The following XPO6 variants were observed in gnomAD, a reference collection of about 807,000 sequenced individuals.
The protein encoded by XPO6 is exportin-6.
In XPO6, 3 loss-of-function variants were observed where a neutral mutation model predicts 130.0. The ratio of observed to expected loss-of-function variants is 0.02; its 90% CI spans 0.01 to 0.06. The LOEUF (loss-of-function observed/expected upper bound fraction) is 0.06, where lower values mean the gene tolerates loss of function less well. Among genes scored for constraint, XPO6 ranks in the 10% least tolerant of loss-of-function variants. The pLI is 1.00. For missense variants in XPO6, 970 were observed against 1,393.0 expected (o/e 0.70, Z 4.83); for synonymous variants, 524 against 548.9 (o/e 0.95, Z 0.63).
chr16:28,185,138 T>C (rs540782489), intron 1 of XPO6, among the ~76,000 whole-genome samples: 18 of 152,210 alleles, frequency 1.2e-4, no homozygotes, highest in Non-Finnish European at 2.1e-4. Context: ...ACAAACACAA[T>C]GTAGAGTGAA....
intron 14 of XPO6, among the ~76,000 whole-genome samples, chr16:28,118,652 G>A (rs763854651): frequency 8.5e-5 from 13 of 152,126 alleles, no homozygotes; most frequent in East Asian, 7.7e-4. Flanking sequence ...GCACTGCACC[G>A]GCCTAGCCTG....
rs936535790 is a variant in XPO6, at chr16:28,111,748, C to T, written c.2341+69G>A. ...TACCTCAGGAGCCTCCGGGGCAAAT[C>T]TCATCTGCCACAAAGAACAATGCCT... On this transcript the variant is annotated intron_variant, in intron 17 of 23. Transcript: ENST00000304658. The T allele has an allele frequency of 1.9e-5, 29 of 1,555,380 alleles. No individual in the cohort carries two copies. In the African/African-American group the frequency reaches 4.0e-4, roughly 21 times the overall value.
At chr16:28,124,191 G>A (rs905265593) in intron 13 of XPO6, among the ~76,000 whole-genome samples, 8 of 151,806 alleles carry the variant, frequency 5.3e-5, no homozygotes, top group Non-Finnish European at 1.2e-4. Context: ...CTGAGTATCT[G>A]GGATTACAGG....
intron 8 of XPO6, among the ~76,000 whole-genome samples, chr16:28,149,981 C>T (rs2043057391): frequency 1.3e-5 from 2 of 152,116 alleles, no homozygotes; most frequent in Admixed American, 6.5e-5. Context: ...ATTTCTTATT[C>T]TTAAGTCTTA....
chr16:28,167,341 G>T, intron 5 of XPO6: 1 of 985,354 alleles, frequency 1.0e-6, no homozygotes, highest in Non-Finnish European at 1.2e-6. Context: ...CCTCATGCAG[G>T]AAACAGGCTG....
Position 28,166,502 on chromosome 16 carries a change from C to A in XPO6, c.643+6G>T. On this transcript the variant is annotated splice_donor_region_variant and intron_variant, in intron 6 of 23. Transcript: ENST00000304658. ...AAGAATGCCTTGGCTGGCAGGCAGA[C>A]CATACCACTTTCTCCTGAGGTCGGG... 1.3e-6 allele frequency: 2 copies of A among 1,580,944 alleles called. No individual in the cohort carries two copies. Among genetic ancestry groups the A allele is most frequent in the South Asian group, 2.3e-5 (2 of 86,610 alleles).
At chr16:28,116,296 CA>C (rs1567599433) in intron 15 of XPO6, among the ~76,000 whole-genome samples, 1 of 151,974 alleles carries the variant, frequency 6.6e-6, no homozygotes, top group African/African-American at 2.4e-5. Context: ...CCCGTCTCTA[CA>C]AAAAATACAA....
At chr16:28,119,069 G>A (rs931458254) in intron 14 of XPO6, among the ~76,000 whole-genome samples, 2 of 152,188 alleles carry the variant, frequency 1.3e-5, no homozygotes, top group Non-Finnish European at 2.9e-5. Flanking sequence ...AGGCAGGAGT[G>A]CAGTGGCACA....
intron 6 of XPO6, among the ~76,000 whole-genome samples, chr16:28,164,000 A>T (rs959710519): frequency 2.6e-5 from 4 of 152,186 alleles, no homozygotes; most frequent in Admixed American, 2.6e-4. Flanking sequence ...CTGAGAAATA[A>T]ACCACACACA....
intron 1 of XPO6, among the ~76,000 whole-genome samples, chr16:28,199,842 C>G (rs2043928266): frequency 6.6e-6 from 1 of 151,894 alleles, no homozygotes. Flanking sequence ...CTGCACCTGG[C>G]CTCCTCATGA....
chr16:28,135,377 T>G (rs1413745269), intron 9 of XPO6, 53 bp from the exon 10 acceptor site: 1 of 1,450,854 alleles, frequency 6.9e-7, no homozygotes, highest in Non-Finnish European at 9.7e-7. Flanking sequence ...GCTTAGAATT[T>G]GGAAAATGCC....
rs1668342207 is a variant in XPO6 at position 28,164,200 on chromosome 16, G to T, written c.643+2308C>A. On this transcript the variant is annotated intron_variant, in intron 6 of 23. Transcript: ENST00000304658. ...AGGGCAGGAGAGCCCCACAGGGGCT[G>T]AGCTAAGGAATTCATTTGGTTGCTT... 3.9e-5 allele frequency among the ~76,000 whole-genome samples: 6 copies of T among 152,028 alleles called. No homozygotes were observed. In the South Asian group the frequency reaches 1.2e-3, roughly 31 times the overall value.
intron 15 of XPO6, among the ~76,000 whole-genome samples, chr16:28,114,761 A>T (rs2087012140): frequency 6.6e-6 from 1 of 152,162 alleles, no homozygotes; most frequent in Non-Finnish European, 1.5e-5. Context: ...ATTTCTCTGG[A>T]GCATGCGGTG....
chr16:28,157,268 C>G (rs2043198605), intron 6 of XPO6, among the ~76,000 whole-genome samples: 1 of 152,062 alleles, frequency 6.6e-6, no homozygotes, highest in Non-Finnish European at 1.5e-5. Context: ...ACCAGCCTGA[C>G]CAACATGGTG....
intron 4 of XPO6, among the ~76,000 whole-genome samples, chr16:28,171,823 T>C (rs1361494422): frequency 6.6e-6 from 1 of 152,076 alleles, no homozygotes; most frequent in Non-Finnish European, 1.5e-5. Flanking sequence ...ATAGAACTGA[T>C]CCTTGGTAAG....
chr16:28,201,160 C>T lies in XPO6; in HGVS notation c.3+10206G>A, dbSNP rs117216845. Among the ~76,000 whole-genome samples, 255 of 152,258 alleles carry T rather than the reference C, an allele frequency of 1.7e-3. 4 individuals carry two copies. The East Asian group carries it at 0.032, about 19-fold the overall frequency. On this transcript the variant is annotated intron_variant, in intron 1 of 23. Coordinates refer to ENST00000304658, the MANE Select transcript of XPO6 (RefSeq NM_015171.4). Reference sequence around the variant, plus strand: ...TTGTTCTGACAACTTCCCTTGCTCACCTGCTGCCCATCTCCACCCACCGGG... The same window carrying T: ...TTGTTCTGACAACTTCCCTTGCTCATCTGCTGCCCATCTCCACCCACCGGG...
At chr16:28,121,326 G>T (rs867838974) in intron 14 of XPO6, among the ~76,000 whole-genome samples, 1 of 152,234 alleles carries the variant, frequency 6.6e-6, no homozygotes, top group East Asian at 1.9e-4. Flanking sequence ...CATCTGAGGT[G>T]TTTCCCATTA....
Position 28,166,721 on chromosome 16 carries a change from A to G in XPO6, c.566-136T>C, listed in dbSNP as rs2141845535. Reference sequence around the variant, plus strand: ...CCCTTTCTTGACCATGTCCTCCTCCAGCTAGCGGCTGTGCCTCTCGACTTC... The same window carrying G: ...CCCTTTCTTGACCATGTCCTCCTCCGGCTAGCGGCTGTGCCTCTCGACTTC... On this transcript the variant is annotated intron_variant, in intron 5 of 23. Coordinates refer to ENST00000304658, the MANE Select transcript of XPO6 (RefSeq NM_015171.4). The G allele has an allele frequency of 2.7e-6, 4 of 1,478,296 alleles. No individual in the cohort carries two copies. In the South Asian group the frequency reaches 5.4e-5, roughly 20 times the overall value. 91.6% of individuals were successfully genotyped at this position (1,478,296 alleles called of 1,614,324 possible).
intron 1 of XPO6, among the ~76,000 whole-genome samples, chr16:28,184,566 A>G (rs911504852): frequency 2.0e-5 from 3 of 151,966 alleles, no homozygotes; most frequent in African/African-American, 4.8e-5. Flanking sequence ...CAGGGAACTC[A>G]TATCAGAGCA....
Sources: allele counts gnomAD v4.1 joint callset (sites outside exome capture counted in the v4.1 genomes callset), GRCh38; gene constraint gnomAD v4.1.1; transcripts MANE v1.5; gene names NCBI Gene and HGNC (gene_info 2026-07-23, HGNC 2026-07-21).